The following ADAMTS17 variants were observed in gnomAD, a reference collection of about 807,000 sequenced individuals.
ADAMTS17 encodes ADAM metallopeptidase with thrombospondin type 1 motif 17.
ADAMTS17 carries 113 observed loss-of-function variants against 141.5 expected under a neutral mutation model. The ratio of observed to expected loss-of-function variants is 0.80; its 90% confidence interval spans 0.69 to 0.93. The LOEUF (loss-of-function observed/expected upper bound fraction) is 0.93. Ranked by LOEUF, ADAMTS17 falls within the 40% of genes least tolerant of loss-of-function variation. The pLI, the probability that ADAMTS17 is intolerant of heterozygous loss-of-function variation, is 0.00. For synonymous variants in ADAMTS17, 768 were observed against 630.6 expected, an observed-to-expected ratio of 1.22 and a Z score of -3.27; for missense variants, 1,659 against 1,517.9, an observed-to-expected ratio of 1.09 and a Z score of -1.54.
Position 100,180,946 on chromosome 15 carries a change from C to G in ADAMTS17, c.1181+18372G>C, listed in dbSNP as rs541017369. 2.6e-5 allele frequency among the ~76,000 whole-genome samples: 4 copies of G among 152,306 alleles called. No individual in the cohort carries two copies. In the East Asian group the frequency reaches 7.7e-4, roughly 29 times the overall value. On this transcript the variant is annotated intron_variant, in intron 8 of 21. Transcript: ENST00000268070. ...CCCAGGTGGATCCAGAGACACTGTC[C>G]AAGAGCCAGGCACTGGAGTCAAAAC...
At chr15:100,174,479 C>T (rs879720142) in intron 8 of ADAMTS17, among the ~76,000 whole-genome samples, 12 of 150,274 alleles carry the variant, frequency 8.0e-5, no homozygotes, top group Admixed American at 3.3e-4. Context: ...ACCAAGGGCT[C>T]GTTTTTGAAA....
chr15:100,081,118 C>G (rs1324851058), intron 15 of ADAMTS17, among the ~76,000 whole-genome samples: 2 of 152,102 alleles, frequency 1.3e-5, no homozygotes, highest in Non-Finnish European at 2.9e-5. Flanking sequence ...CTGGTGGGCA[C>G]AATCTAATCA....
chr15:100,250,078 T>C (rs1232411527), intron 7 of ADAMTS17, among the ~76,000 whole-genome samples: 1 of 152,188 alleles, frequency 6.6e-6, no homozygotes, highest in East Asian at 1.9e-4. Context: ...TTTACCACAG[T>C]ATAAAAAAGC....
At chr15:99,987,904 G>A (rs1421243405) in intron 20 of ADAMTS17, among the ~76,000 whole-genome samples, 2 of 151,962 alleles carry the variant, frequency 1.3e-5, no homozygotes, top group South Asian at 2.1e-4. Context: ...AGTTGGGGTC[G>A]GGGTCTCTTG....
At chr15:100,291,359 G>A (rs879620550) in intron 3 of ADAMTS17, among the ~76,000 whole-genome samples, 2 of 152,214 alleles carry the variant, frequency 1.3e-5, no homozygotes, top group Non-Finnish European at 2.9e-5. Context: ...AGATGCTGGC[G>A]AGGTTGTAGA....
At position 100,341,905 on chromosome 15, in the gene ADAMTS17, C is replaced by G; in HGVS notation, c.-6G>C. On this transcript the variant is annotated 5_prime_UTR_variant, in exon 1 of 22. Coordinates refer to ENST00000268070, the MANE Select transcript of ADAMTS17 (RefSeq NM_139057.4). ...AGCAGGGCGCCGTCACACATGGTAC[C>G]CGGGACCGGCAGCCCCCCCGGACCG... The G allele has an allele frequency of 6.5e-7, 1 of 1,546,702 alleles. No homozygotes were observed. Among genetic ancestry groups the G allele is most frequent in the Non-Finnish European group, 8.7e-7 (1 of 1,146,564 alleles).
At chr15:100,324,053 C>A (rs2045821668) in intron 3 of ADAMTS17, among the ~76,000 whole-genome samples, 1 of 151,418 alleles carries the variant, frequency 6.6e-6, no homozygotes, top group African/African-American at 2.4e-5. Context: ...AGAAAGCATC[C>A]CAGCACTTTG....
At chr15:99,987,826 G>C (rs2060620794) in intron 20 of ADAMTS17, among the ~76,000 whole-genome samples, 1 of 152,128 alleles carries the variant, frequency 6.6e-6, no homozygotes, top group African/African-American at 2.4e-5. Context: ...AGGTGGTGGT[G>C]GTGGGGAGGT....
At chr15:100,087,170 T>C (rs1050069616) in intron 15 of ADAMTS17, among the ~76,000 whole-genome samples, 49 of 152,194 alleles carry the variant, frequency 3.2e-4, no homozygotes, top group African/African-American at 1.2e-3. Context: ...TCACCACTGA[T>C]CCCACAGAAA....
At chr15:99,976,527 T>C (rs1256082014) in intron 20 of ADAMTS17, 1 of 548,626 alleles carries the variant, frequency 1.8e-6, no homozygotes, top group Non-Finnish European at 3.3e-6. Context: ...GATAGAAGAC[T>C]GTTTCAAGAT....
chr15:100,193,367 T>G (rs1425881768), intron 8 of ADAMTS17, among the ~76,000 whole-genome samples: 1 of 152,184 alleles, frequency 6.6e-6, no homozygotes, highest in Non-Finnish European at 1.5e-5. Flanking sequence ...TGCATGGAAC[T>G]CAGGGTGACC....
intron 8 of ADAMTS17, among the ~76,000 whole-genome samples, chr15:100,157,937 G>A (rs2039511317): frequency 6.7e-6 from 1 of 148,936 alleles, no homozygotes; most frequent in African/African-American, 2.5e-5. Context: ...CACCCAGGCT[G>A]GAGTGCAGTG....
At chr15:100,317,611 G>A (rs1004532273) in intron 3 of ADAMTS17, among the ~76,000 whole-genome samples, 2 of 152,180 alleles carry the variant, frequency 1.3e-5, no homozygotes, top group Non-Finnish European at 1.5e-5. Flanking sequence ...AACACCATGC[G>A]AGGTGTGTGG....
intron 7 of ADAMTS17, among the ~76,000 whole-genome samples, chr15:100,249,703 C>G (rs2043094782): frequency 6.6e-6 from 1 of 152,218 alleles, no homozygotes; most frequent in Non-Finnish European, 1.5e-5. Flanking sequence ...TCCTCACAAT[C>G]AGAAATGCAG....
intron 7 of ADAMTS17, among the ~76,000 whole-genome samples, chr15:100,201,786 G>A (rs1362369060): frequency 2.0e-5 from 3 of 152,192 alleles, no homozygotes; most frequent in African/African-American, 7.2e-5. Context: ...AACCAGAAAG[G>A]ATGTGATGTG....
intron 12 of ADAMTS17, among the ~76,000 whole-genome samples, chr15:100,124,559 G>A (rs1032774260): frequency 3.9e-5 from 6 of 152,222 alleles, no homozygotes; most frequent in African/African-American, 7.2e-5. Flanking sequence ...TGCAAAGCTG[G>A]CAGCTGTTAT....
At chr15:100,153,444 C>A (rs1430008245) in intron 9 of ADAMTS17, among the ~76,000 whole-genome samples, 2 of 152,038 alleles carry the variant, frequency 1.3e-5, no homozygotes, top group African/African-American at 4.8e-5. Context: ...AGTTCAAGAC[C>A]AGTCTGGCCA....
chr15:100,031,732 A>T (rs115191840), intron 18 of ADAMTS17, among the ~76,000 whole-genome samples: 2,711 of 152,322 alleles, frequency 0.018, 78 homozygotes, highest in African/African-American at 0.059. Flanking sequence ...AGTATCAAAC[A>T]ATCCATTTAT....
At chr15:100,251,954 G>C (rs1325718621) in intron 7 of ADAMTS17, among the ~76,000 whole-genome samples, 1 of 152,192 alleles carries the variant, frequency 6.6e-6, no homozygotes, top group Non-Finnish European at 1.5e-5. Flanking sequence ...AGGACTTCCA[G>C]CCTCCGGATC....
Sources: allele counts gnomAD v4.1 joint callset (sites outside exome capture counted in the v4.1 genomes callset), GRCh38; gene constraint gnomAD v4.1.1; transcripts MANE v1.5; gene names NCBI Gene and HGNC (gene_info 2026-07-23, HGNC 2026-07-21).